GRIA4: variants seen among roughly 807,000 people sequenced by gnomAD.
GRIA4 encodes the protein glutamate receptor 4.
In GRIA4, 34 loss-of-function variants were observed where a neutral mutation model predicts 104.0. That is an observed-to-expected ratio of 0.33 (90% CI 0.25 to 0.44). The LOEUF (loss-of-function observed/expected upper bound fraction) is 0.44, where lower values mean the gene tolerates loss of function less well. Ranked by LOEUF, GRIA4 falls within the 20% of genes least tolerant of loss-of-function variation. GRIA4 has a pLI of 1.00. For missense variants in GRIA4, 750 were observed against 1,096.5 expected (o/e 0.68, Z 4.46); for synonymous variants, 386 against 381.9 (o/e 1.01, Z -0.13).
At chr11:105,719,958 C>T (rs1201905193) in intron 3 of GRIA4, among the ~76,000 whole-genome samples, 2 of 151,998 alleles carry the variant, frequency 1.3e-5, no homozygotes, top group Non-Finnish European at 2.9e-5. Flanking sequence ...CAGCCTATTT[C>T]ATCATAAGAT....
rs1423447340 is a variant in GRIA4 at position 105,726,612 on chromosome 11, C to T, written c.248-26369C>T. Among the ~76,000 whole-genome samples the T allele has an allele frequency of 2.6e-5, 4 of 152,266 alleles. No homozygotes were observed. The East Asian group carries it at 7.8e-4, about 30-fold the overall frequency. On this transcript the variant is annotated intron_variant, in intron 3 of 16. Transcript: ENST00000282499. ...GGAGACACCTCCCAGCAGGGGTCAA[C>T]AGACACCTCATACAGGAGAGCTCTG...
At chr11:105,892,631 G>C (rs914542961) in intron 6 of GRIA4, among the ~76,000 whole-genome samples, 4 of 152,056 alleles carry the variant, frequency 2.6e-5, no homozygotes, top group African/African-American at 9.7e-5. Context: ...CATTTTTATT[G>C]ACGTGCAGTG....
rs893516054 is a variant in GRIA4 at position 105,957,256 on chromosome 11, A to C, written c.2295-14658A>C. 9.2e-5 allele frequency among the ~76,000 whole-genome samples: 14 copies of C among 152,148 alleles called. 1 individual carries two copies. Among genetic ancestry groups the C allele is most frequent in the African/African-American group, 3.4e-4 (14 of 41,428 alleles). ...TTATGGCTTTTAGGTCTAACATGTA[A>C]GTCTTTAATCCATCTTGAATTAATT... is the stretch of plus-strand genomic sequence containing the variant. On this transcript the variant is annotated intron_variant, in intron 14 of 16. Transcript: ENST00000282499.
chr11:105,946,098 T>G (rs1047612983), intron 14 of GRIA4, among the ~76,000 whole-genome samples: 6 of 152,128 alleles, frequency 3.9e-5, no homozygotes, highest in African/African-American at 1.4e-4. Flanking sequence ...GAGGAAATAT[T>G]GTGTTGAGCA....
chr11:105,661,573 G>A lies in GRIA4; in HGVS notation c.247+49139G>A, dbSNP rs545402454. ...AAGAAAAAGGCATCATATTACATAAGAAAATGTTCATACCTTTAAAGAAAT... is the reference window on the plus strand; with the variant it reads ...AAGAAAAAGGCATCATATTACATAAAAAAATGTTCATACCTTTAAAGAAAT... On this transcript the variant is annotated intron_variant, in intron 3 of 16. Coordinates refer to ENST00000282499, the MANE Select transcript of GRIA4 (RefSeq NM_000829.4). Among the ~76,000 whole-genome samples the A allele has an allele frequency of 5.3e-5, 8 of 151,746 alleles. No homozygotes were observed. The South Asian group carries it at 6.2e-4, about 12-fold the overall frequency.
At chr11:105,806,820 C>A (rs1942972580) in intron 4 of GRIA4, among the ~76,000 whole-genome samples, 1 of 148,940 alleles carries the variant, frequency 6.7e-6, no homozygotes, top group African/African-American at 2.5e-5. Context: ...GAACAGGAGA[C>A]CATAAAAGGG....
In GRIA4 at chr11:105,862,115, C is replaced by T. The variant is rs772467496; in HGVS notation, c.579C>T (p.Ser193=). ...AICVENFNDV[S]YRQLLEELDR... ...GTGTGGAAAATTTTAATGATGTCAG[C>T]TATAGGCAACTTCTAGAAGAACTTG... Residue 193 remains serine, a synonymous_variant, in exon 5 of 17, where the codon AGC becomes AGT. Transcript: ENST00000282499. 2 of 1,607,178 alleles carry T rather than the reference C, an allele frequency of 1.2e-6. No homozygotes were observed. The highest frequency in any genetic ancestry group is 3.3e-5 in the Admixed American group (2 of 59,992).
chr11:105,916,610 A>C lies in GRIA4; in HGVS notation c.1270-2102A>C, dbSNP rs182301494. ...TAATAAATGTTTGATTAAATAACAA[A>C]TATGTAGTTTTTATTGAAGTAAATT... On this transcript the variant is annotated intron_variant, in intron 10 of 16. Transcript: ENST00000282499. 2.6e-5 allele frequency among the ~76,000 whole-genome samples: 4 copies of C among 152,330 alleles called. No individual in the cohort carries two copies. In the East Asian group the frequency reaches 7.7e-4, roughly 29 times the overall value.
At chr11:105,715,487 T>C (rs1287724194) in intron 3 of GRIA4, among the ~76,000 whole-genome samples, 4 of 152,116 alleles carry the variant, frequency 2.6e-5, no homozygotes, top group Non-Finnish European at 4.4e-5. Flanking sequence ...TCATTAATAG[T>C]CAAATGATTA....
intron 3 of GRIA4, among the ~76,000 whole-genome samples, chr11:105,682,281 C>T (rs1952735518): frequency 6.6e-6 from 1 of 152,050 alleles, no homozygotes; most frequent in Admixed American, 6.6e-5. Context: ...AGTAGATAGG[C>T]ACAGTTATAG....
chr11:105,771,877 A>G (rs1591228896), intron 4 of GRIA4, among the ~76,000 whole-genome samples: 2 of 152,178 alleles, frequency 1.3e-5, no homozygotes, highest in East Asian at 1.9e-4. Context: ...TTTATCATTT[A>G]CTACAATAAA....
chr11:105,884,045 T>C lies in GRIA4; in HGVS notation c.673-3474T>C, dbSNP rs1325284137. ...CATCTCACACCAGTTAGAATGGTGATCATTAAAAAGTCAGGAAGCACCGTT... is the reference window on the plus strand; with the variant it reads ...CATCTCACACCAGTTAGAATGGTGACCATTAAAAAGTCAGGAAGCACCGTT... On this transcript the variant is annotated intron_variant, in intron 5 of 16. Coordinates refer to ENST00000282499, the MANE Select transcript of GRIA4 (RefSeq NM_000829.4). Among the ~76,000 whole-genome samples the C allele has an allele frequency of 2.6e-5, 4 of 152,178 alleles. No homozygotes were observed. In the East Asian group the frequency reaches 7.7e-4, roughly 29 times the overall value.
chr11:105,749,125 C>A (rs1196331618), intron 3 of GRIA4, among the ~76,000 whole-genome samples: 1 of 152,108 alleles, frequency 6.6e-6, no homozygotes, highest in East Asian at 1.9e-4. Flanking sequence ...GAATGCAAGG[C>A]AAAGAAGCAT....
intron 5 of GRIA4, among the ~76,000 whole-genome samples, chr11:105,867,158 C>A (rs1168953243): frequency 3.9e-5 from 6 of 151,998 alleles, no homozygotes; most frequent in African/African-American, 1.4e-4. Context: ...GCAAATCAAT[C>A]AAAAAAGCCT....
At chr11:105,774,998 G>A (rs1362709682) in intron 4 of GRIA4, among the ~76,000 whole-genome samples, 2 of 152,076 alleles carry the variant, frequency 1.3e-5, no homozygotes, top group Non-Finnish European at 2.9e-5. Context: ...TAAGGTGTTC[G>A]CAGGGCCAAG....
chr11:105,705,344 C>G (rs915835327), intron 3 of GRIA4, among the ~76,000 whole-genome samples: 3 of 152,058 alleles, frequency 2.0e-5, no homozygotes, highest in African/African-American at 7.2e-5. Context: ...GTGAATTCCT[C>G]TTTAATTTCA....
chr11:105,618,040 ATGCCT>A (rs1950645541), intron 3 of GRIA4, among the ~76,000 whole-genome samples: 1 of 151,978 alleles, frequency 6.6e-6, no homozygotes, highest in African/African-American at 2.4e-5. Flanking sequence ...GAAGGAGAGC[ATGCCT>A]CGTCAAAGGA....
At chr11:105,912,337 G>T in intron 10 of GRIA4, 5 of 974,822 alleles carry the variant, frequency 5.1e-6, no homozygotes, top group Non-Finnish European at 6.1e-6. Context: ...GTGAAATAAA[G>T]TGTTTTAATG....
intron 3 of GRIA4, among the ~76,000 whole-genome samples, chr11:105,615,838 T>C (rs978454376): frequency 2.0e-5 from 3 of 151,728 alleles, no homozygotes; most frequent in African/African-American, 7.2e-5. Flanking sequence ...TGAGATATGT[T>C]CAGTTTGACC....
Sources: allele counts gnomAD v4.1 joint callset (sites outside exome capture counted in the v4.1 genomes callset), GRCh38; gene constraint gnomAD v4.1.1; transcripts MANE v1.5; gene names NCBI Gene and HGNC (gene_info 2026-07-23, HGNC 2026-07-21).